CNTN5: variants seen among roughly 807,000 people sequenced by gnomAD.
CNTN5 encodes contactin 5, also known as contactin-5.
In CNTN5, 77 loss-of-function variants were observed where a neutral mutation model predicts 129.1. The ratio of observed to expected loss-of-function variants is 0.60; its 90% CI spans 0.50 to 0.72. The LOEUF (loss-of-function observed/expected upper bound fraction) is 0.72. CNTN5 is among the 30% of genes least tolerant of loss of function. CNTN5 has a pLI of 0.00. For synonymous variants in CNTN5, 509 were observed against 465.6 expected, an observed-to-expected ratio of 1.09 and a Z score of -1.20; for missense variants, 1,478 against 1,328.8, an observed-to-expected ratio of 1.11 and a Z score of -1.75.
At chr11:100,128,760 T>C (rs909319537) in intron 13 of CNTN5, among the ~76,000 whole-genome samples, 2 of 152,050 alleles carry the variant, frequency 1.3e-5, no homozygotes, top group African/African-American at 4.8e-5. Context: ...AGAGACCTTT[T>C]ATGTGCTACT....
intron 16 of CNTN5, among the ~76,000 whole-genome samples, chr11:100,226,269 A>T (rs184381507): frequency 6.6e-6 from 1 of 152,206 alleles, no homozygotes; most frequent in Admixed American, 6.5e-5. Flanking sequence ...TCTGTTTTAG[A>T]TTATGTATAT....
intron 3 of CNTN5, among the ~76,000 whole-genome samples, chr11:99,721,519 C>T (rs1316228709): frequency 1.3e-5 from 2 of 152,094 alleles, no homozygotes; most frequent in African/African-American, 4.8e-5. Context: ...AAACCCCAAG[C>T]TATAAAAACC....
rs548123530 is a variant in CNTN5, at chr11:100,010,259, A to G, written c.980+8123A>G. Among the ~76,000 whole-genome samples, 12 of 152,262 alleles carry G rather than the reference A, an allele frequency of 7.9e-5. No homozygotes were observed. The East Asian group carries it at 1.4e-3, about 17-fold the overall frequency. On this transcript the variant is annotated intron_variant, in intron 9 of 24. Coordinates refer to ENST00000524871, the MANE Select transcript of CNTN5 (RefSeq NM_014361.4). The stretch of plus-strand genomic sequence containing the variant: ...AGTTGTTAACTAAGTAACACAGGGT[A>G]AAAATGAGAACTTTATGGAAAGTCA...
intron 1 of CNTN5, among the ~76,000 whole-genome samples, chr11:99,234,578 C>G (rs1450943805): frequency 1.3e-5 from 2 of 152,056 alleles, no homozygotes; most frequent in African/African-American, 2.4e-5. Context: ...GTGAGTATAT[C>G]TCCTCCCTCA....
At chr11:99,836,471 C>G (rs1271867628) in intron 4 of CNTN5, among the ~76,000 whole-genome samples, 1 of 152,078 alleles carries the variant, frequency 6.6e-6, no homozygotes, top group Admixed American at 6.6e-5. Flanking sequence ...AGGACATAAA[C>G]TCATCCTTTT....
At chr11:99,690,337 T>TA (rs1214559177) in intron 3 of CNTN5, among the ~76,000 whole-genome samples, 7 of 152,194 alleles carry the variant, frequency 4.6e-5, no homozygotes, top group Admixed American at 6.5e-5. Context: ...TGTAGTCTTA[T>TA]AGTATAGTTT....
intron 3 of CNTN5, among the ~76,000 whole-genome samples, chr11:99,753,176 A>G (rs1286518982): frequency 8.1e-6 from 1 of 123,014 alleles, no homozygotes; most frequent in Non-Finnish European, 1.6e-5. Context: ...AGGCTGGAGT[A>G]CGGTGGCGAG....
At chr11:99,968,523 G>A (rs1353307632) in intron 8 of CNTN5, among the ~76,000 whole-genome samples, 1 of 151,840 alleles carries the variant, frequency 6.6e-6, no homozygotes, top group African/African-American at 2.4e-5. Context: ...CAGAGAGAAT[G>A]GATCTCATGT....
chr11:99,653,575 A>G (rs1952237982), intron 3 of CNTN5, among the ~76,000 whole-genome samples: 3 of 152,082 alleles, frequency 2.0e-5, no homozygotes, highest in Admixed American at 2.0e-4. Context: ...TCAATACTAA[A>G]TGTAAAATGT....
intron 1 of CNTN5, among the ~76,000 whole-genome samples, chr11:99,097,140 A>T (rs1431179061): frequency 6.6e-6 from 1 of 151,966 alleles, no homozygotes; most frequent in Non-Finnish European, 1.5e-5. Context: ...GATAAATATC[A>T]TAAAGAAAAC....
At chr11:99,957,925 G>T (rs1213628986) in intron 8 of CNTN5, among the ~76,000 whole-genome samples, 2 of 151,464 alleles carry the variant, frequency 1.3e-5, no homozygotes, top group African/African-American at 2.4e-5. Flanking sequence ...GTGTATTTAT[G>T]TAAACAAGTC....
At chr11:99,584,069 G>C (rs999081131) in intron 3 of CNTN5, among the ~76,000 whole-genome samples, 8 of 152,088 alleles carry the variant, frequency 5.3e-5, no homozygotes, top group Non-Finnish European at 1.2e-4. Flanking sequence ...ATTTTTTACT[G>C]GGATCAAAGG....
chr11:99,654,872 G>A lies in CNTN5; in HGVS notation c.55+98603G>A, dbSNP rs114637970. ...CCTGATGTACACAGCAAGTCAGTGT[G>A]TTGAGAAACTAGGTTGCAGCAGAAA... On this transcript the variant is annotated intron_variant, in intron 3 of 24. Transcript: ENST00000524871. Among the ~76,000 whole-genome samples, 786 of 144,810 alleles carry A rather than the reference G, an allele frequency of 5.4e-3. 8 individuals carry two copies. The highest frequency in any genetic ancestry group is 0.019 in the African/African-American group (746 of 40,002).
At chr11:100,163,518 A>G (rs572710292) in intron 13 of CNTN5, among the ~76,000 whole-genome samples, 3 of 151,964 alleles carry the variant, frequency 2.0e-5, no homozygotes, top group African/African-American at 7.2e-5. Context: ...AATACTTATC[A>G]AGCAACTATT....
chr11:99,885,121 A>G (rs116078226), intron 6 of CNTN5, among the ~76,000 whole-genome samples: 2,125 of 152,120 alleles, frequency 0.014, 58 homozygotes, highest in African/African-American at 0.048. Flanking sequence ...TGTCTCTACA[A>G]AAAATACAAA....
chr11:99,836,607 G>A (rs1043093006), intron 4 of CNTN5, among the ~76,000 whole-genome samples: 1 of 152,090 alleles, frequency 6.6e-6, no homozygotes, highest in Non-Finnish European at 1.5e-5. Context: ...AAACATACGT[G>A]TGCATGTGTC....
chr11:100,087,375 G>T (rs1450615045), intron 13 of CNTN5, among the ~76,000 whole-genome samples: 1 of 151,638 alleles, frequency 6.6e-6, no homozygotes, highest in East Asian at 1.9e-4. Flanking sequence ...AGGTGTAAAT[G>T]CTTTCAGTAG....
rs140275386 is a variant in CNTN5, at chr11:99,205,076, A to G, written c.-209-120270A>G. On this transcript the variant is annotated intron_variant, in intron 1 of 24. Coordinates refer to ENST00000524871, the MANE Select transcript of CNTN5 (RefSeq NM_014361.4). ...ATTTATTTTAAAATCAAACTTACCA[A>G]TAATTTATAATCAGAATTTGAAGTG... 4.6e-3 allele frequency among the ~76,000 whole-genome samples: 701 copies of G among 152,252 alleles called. 12 individuals carry two copies. The East Asian group carries it at 0.065, about 14-fold the overall frequency.
intron 8 of CNTN5, among the ~76,000 whole-genome samples, chr11:99,983,491 C>T (rs1422454614): frequency 6.7e-6 from 1 of 150,152 alleles, no homozygotes. Flanking sequence ...TAGACAGAGT[C>T]CTTTAATTAG....
Sources: allele counts gnomAD v4.1 joint callset (sites outside exome capture counted in the v4.1 genomes callset), GRCh38; gene constraint gnomAD v4.1.1; transcripts MANE v1.5; gene names NCBI Gene and HGNC (gene_info 2026-07-23, HGNC 2026-07-21).